HCN1: variants seen among roughly 807,000 people sequenced by gnomAD.
HCN1 encodes potassium/sodium hyperpolarization-activated cyclic nucleotide-gated channel 1.
Under a neutral mutation model 78.9 loss-of-function variants are expected in HCN1, and 13 were observed. The ratio of observed to expected loss-of-function variants is 0.16; its 90% CI spans 0.11 to 0.26. The LOEUF (loss-of-function observed/expected upper bound fraction) is 0.26, where lower values mean the gene tolerates loss of function less well. Ranked by LOEUF, HCN1 falls within the 10% of genes least tolerant of loss-of-function variation. The pLI, the probability that HCN1 is intolerant of heterozygous loss-of-function variation, is 1.00. For synonymous variants in HCN1, 552 were observed against 455.5 expected, an observed-to-expected ratio of 1.21 and a Z score of -2.70; for missense variants, 810 against 1,154.3, an observed-to-expected ratio of 0.70 and a Z score of 4.32.
intron 2 of HCN1, among the ~76,000 whole-genome samples, chr5:45,626,308 T>A (rs1745162367): frequency 6.6e-6 from 1 of 152,200 alleles, no homozygotes; most frequent in Non-Finnish European, 1.5e-5. Context: ...TTCTGAATAT[T>A]GACGTGGAAA....
intron 4 of HCN1, among the ~76,000 whole-genome samples, chr5:45,391,870 A>G (rs1739572527): frequency 6.6e-6 from 1 of 152,200 alleles, no homozygotes; most frequent in African/African-American, 2.4e-5. Flanking sequence ...ACAAATGACT[A>G]TACAATGGCA....
At chr5:45,351,119 C>A (rs911935078) in intron 5 of HCN1, among the ~76,000 whole-genome samples, 3 of 152,104 alleles carry the variant, frequency 2.0e-5, no homozygotes, top group African/African-American at 7.2e-5. Context: ...TACCTGACTT[C>A]AAACTATACT....
chr5:45,283,945 A>C (rs570852412), intron 6 of HCN1, among the ~76,000 whole-genome samples: 1 of 152,278 alleles, frequency 6.6e-6, no homozygotes, highest in East Asian at 1.9e-4. Context: ...TAGACATCAT[A>C]GAATACTATG....
At chr5:45,537,870 G>A (rs1743003220) in intron 2 of HCN1, among the ~76,000 whole-genome samples, 1 of 151,956 alleles carries the variant, frequency 6.6e-6, no homozygotes, top group African/African-American at 2.4e-5. Flanking sequence ...AGGAAACTGA[G>A]AATGTCAATT....
chr5:45,675,614 T>A lies in HCN1; in HGVS notation c.425+20055A>T, dbSNP rs140781470. 5.7e-3 allele frequency among the ~76,000 whole-genome samples: 861 copies of A among 151,934 alleles called. 4 individuals are homozygous for A. Among genetic ancestry groups the A allele is most frequent in the African/African-American group, 0.02 (821 of 41,516 alleles). On this transcript the variant is annotated intron_variant, in intron 1 of 7. Coordinates refer to ENST00000303230, the MANE Select transcript of HCN1 (RefSeq NM_021072.4). ...AAACTGGACAGTACCTTTTGACCAT[T>A]CCCTGGACCATTCCAAAGTATTAAA...
At chr5:45,443,961 A>G (rs1029011400) in intron 3 of HCN1, among the ~76,000 whole-genome samples, 1 of 152,184 alleles carries the variant, frequency 6.6e-6, no homozygotes, top group African/African-American at 2.4e-5. Flanking sequence ...AATGAGTAAT[A>G]CAAAGTTATG....
chr5:45,415,757 G>T (rs920206961), intron 3 of HCN1, among the ~76,000 whole-genome samples: 1 of 151,942 alleles, frequency 6.6e-6, no homozygotes, highest in Non-Finnish European at 1.5e-5. Flanking sequence ...TTGCTGTACC[G>T]TCTGTTTATT....
chr5:45,423,379 C>G (rs1740267243), intron 3 of HCN1, among the ~76,000 whole-genome samples: 1 of 152,116 alleles, frequency 6.6e-6, no homozygotes. Context: ...GCCACACAAT[C>G]AGGCTCCAGC....
chr5:45,266,386 A>G (rs1744857762), intron 7 of HCN1, among the ~76,000 whole-genome samples: 1 of 152,180 alleles, frequency 6.6e-6, no homozygotes, highest in Non-Finnish European at 1.5e-5. Context: ...TTCCTAATAT[A>G]AAGATAAAAT....
chr5:45,303,516 G>T, intron 6 of HCN1, 83 bp downstream of exon 6: 2 of 1,435,426 alleles, frequency 1.4e-6, no homozygotes, highest in South Asian at 2.3e-5. Context: ...CCAAAAAACT[G>T]ACATGCTGAC....
At chr5:45,576,766 C>G (rs1224082038) in intron 2 of HCN1, among the ~76,000 whole-genome samples, 1 of 152,084 alleles carries the variant, frequency 6.6e-6, no homozygotes, top group Non-Finnish European at 1.5e-5. Context: ...GCGTGACTCT[C>G]TTTATGGTGA....
intron 1 of HCN1, among the ~76,000 whole-genome samples, chr5:45,669,201 T>C (rs1746105545): frequency 6.6e-6 from 1 of 151,746 alleles, no homozygotes; most frequent in South Asian, 2.1e-4. Context: ...AAATTTAATA[T>C]AAAAAACTAA....
intron 2 of HCN1, chr5:45,558,973 C>G (rs1242177862): frequency 7.2e-5 from 10 of 138,850 alleles, no homozygotes. Flanking sequence ...ATTGCTCAGG[C>G]TGGTCTCAAA....
chr5:45,340,850 T>C (rs1036271528), intron 5 of HCN1, among the ~76,000 whole-genome samples: 3 of 152,202 alleles, frequency 2.0e-5, no homozygotes, highest in African/African-American at 4.8e-5. Flanking sequence ...CTCAGAGCGA[T>C]ATGAATTATA....
At chr5:45,682,225 GC>G (rs1739714439) in intron 1 of HCN1, among the ~76,000 whole-genome samples, 1 of 145,556 alleles carries the variant, frequency 6.9e-6, no homozygotes, top group Non-Finnish European at 1.5e-5. Context: ...TTTTCTTATA[GC>G]AGCTCAAAAG....
chr5:45,652,127 A>G (rs180879869), intron 1 of HCN1, among the ~76,000 whole-genome samples: 3 of 152,096 alleles, frequency 2.0e-5, no homozygotes, highest in African/African-American at 7.2e-5. Flanking sequence ...TTTAAAACCT[A>G]TGAAAGTATT....
chr5:45,361,854 G>A (rs1366404427), intron 4 of HCN1, among the ~76,000 whole-genome samples: 1 of 151,956 alleles, frequency 6.6e-6, no homozygotes, highest in African/African-American at 2.4e-5. Flanking sequence ...CATTGTTTAA[G>A]ATTTAACTAA....
At chr5:45,432,709 A>T (rs1259046863) in intron 3 of HCN1, among the ~76,000 whole-genome samples, 1 of 152,090 alleles carries the variant, frequency 6.6e-6, no homozygotes, top group Non-Finnish European at 1.5e-5. Flanking sequence ...GTTGAATTTT[A>T]TCAAAAGCCT....
chr5:45,661,656 A>G (rs1402643136), intron 1 of HCN1, among the ~76,000 whole-genome samples: 2 of 30,450 alleles, frequency 6.6e-5, no homozygotes, highest in African/African-American at 1.5e-4. Flanking sequence ...ACAAACTACC[A>G]TCAGAGAATA....
Sources: gnomAD v4.1 joint callset for allele counts (sites outside exome capture counted in the v4.1 genomes callset) on GRCh38, gnomAD v4.1.1 for gene constraint, MANE v1.5 for transcripts, NCBI Gene and HGNC (gene_info 2026-07-23, HGNC 2026-07-21) for gene names.